The following RIN2 variants were observed in gnomAD, a reference collection of about 807,000 sequenced individuals.
RIN2 encodes the protein RAB5 interacting protein 2.
Under a neutral mutation model 78.0 loss-of-function variants are expected in RIN2, and 36 were observed. That is an observed-to-expected ratio of 0.46 (90% confidence interval 0.35 to 0.61). The LOEUF (loss-of-function observed/expected upper bound fraction) is 0.61, where lower values mean the gene tolerates loss of function less well. Among genes scored for constraint, RIN2 ranks in the 20% least tolerant of loss-of-function variants. RIN2 has a pLI of 0.00. For synonymous variants in RIN2, 466 were observed against 466.8 expected (o/e 1.00, Z 0.02); for missense variants, 1,087 against 1,159.7 (o/e 0.94, Z 0.91).
intron 3 of RIN2, among the ~76,000 whole-genome samples, chr20:19,921,639 G>T (rs1439149084): frequency 6.6e-6 from 1 of 152,200 alleles, no homozygotes; most frequent in Non-Finnish European, 1.5e-5. Context: ...AACCCACCGA[G>T]CGGCGCCAAG....
At chr20:19,814,596 T>C (rs2035707938) in intron 2 of RIN2, among the ~76,000 whole-genome samples, 1 of 152,136 alleles carries the variant, frequency 6.6e-6, no homozygotes, top group African/African-American at 2.4e-5. Context: ...TGGTCTATAG[T>C]AATTTTATAT....
intron 1 of RIN2, among the ~76,000 whole-genome samples, chr20:19,780,262 C>G (rs1477272174): frequency 6.6e-6 from 1 of 152,186 alleles, no homozygotes. Context: ...ATTAAAATAG[C>G]AAGGGAATAA....
At chr20:19,947,776 G>A (rs1376781954) in intron 4 of RIN2, among the ~76,000 whole-genome samples, 2 of 152,254 alleles carry the variant, frequency 1.3e-5, no homozygotes, top group Admixed American at 1.3e-4. Context: ...GGTGAGACTT[G>A]CAAGGAGAGA....
intron 10 of RIN2, among the ~76,000 whole-genome samples, chr20:19,990,677 C>T (rs974543934): frequency 6.6e-6 from 1 of 152,026 alleles, no homozygotes; most frequent in Non-Finnish European, 1.5e-5. Context: ...TAGTTTTCTG[C>T]GTCTTTAGCC....
intron 6 of RIN2, among the ~76,000 whole-genome samples, chr20:19,962,151 A>AG: frequency 6.6e-6 from 1 of 151,950 alleles, no homozygotes; most frequent in East Asian, 1.9e-4. Flanking sequence ...AAAAAAAAAA[A>AG]AAAATTAGCC....
chr20:19,973,027 G>A (rs1222152380), intron 8 of RIN2, among the ~76,000 whole-genome samples: 1 of 152,072 alleles, frequency 6.6e-6, no homozygotes, highest in Non-Finnish European at 1.5e-5. Context: ...GAAACCCAAT[G>A]AGTTATTTTA....
chr20:19,882,500 A>C (rs1376167469), intron 2 of RIN2, among the ~76,000 whole-genome samples: 2 of 152,210 alleles, frequency 1.3e-5, no homozygotes, highest in Non-Finnish European at 2.9e-5. Flanking sequence ...CTCTTTTACC[A>C]TCATGGACAG....
intron 10 of RIN2, among the ~76,000 whole-genome samples, chr20:19,991,405 T>C (rs373689495): frequency 5.9e-5 from 9 of 152,338 alleles, no homozygotes; most frequent in African/African-American, 1.9e-4. Context: ...ACACACACAC[T>C]AAAGACATTA....
chr20:19,955,456 C>T (rs1372459348), intron 4 of RIN2, among the ~76,000 whole-genome samples: 1 of 152,130 alleles, frequency 6.6e-6, no homozygotes, highest in Non-Finnish European at 1.5e-5. Flanking sequence ...CCCACCTCAG[C>T]CTCCTGAGTA....
chr20:19,980,524 C>T (rs1428790409), intron 9 of RIN2, among the ~76,000 whole-genome samples: 6 of 152,156 alleles, frequency 3.9e-5, no homozygotes, highest in Admixed American at 3.9e-4. Flanking sequence ...AAATAAGTCA[C>T]ACGAAGATGT....
chr20:19,896,552 T>C (rs1003592617), intron 3 of RIN2, among the ~76,000 whole-genome samples: 2 of 152,228 alleles, frequency 1.3e-5, no homozygotes, highest in Non-Finnish European at 2.9e-5. Flanking sequence ...ACCTGCCCAC[T>C]GTCCAGTGAG....
chr20:19,800,468 A>G (rs2035205471), intron 2 of RIN2, among the ~76,000 whole-genome samples: 2 of 152,308 alleles, frequency 1.3e-5, no homozygotes, highest in East Asian at 1.9e-4. Flanking sequence ...AGTGATGTCG[A>G]GTGACATCAA....
At chr20:19,776,624 C>A (rs1035306436) in intron 1 of RIN2, among the ~76,000 whole-genome samples, 16 of 151,488 alleles carry the variant, frequency 1.1e-4, no homozygotes, top group Non-Finnish European at 2.4e-4. Context: ...CCCAGCTACT[C>A]GGGAGGCTGA....
At chr20:19,941,029 T>C (rs2040850657) in intron 4 of RIN2, among the ~76,000 whole-genome samples, 1 of 152,210 alleles carries the variant, frequency 6.6e-6, no homozygotes, top group Non-Finnish European at 1.5e-5. Flanking sequence ...GCCACTTCGC[T>C]GGTGTCCTCT....
chr20:19,858,373 CTG>C (rs2037230191), intron 2 of RIN2, among the ~76,000 whole-genome samples: 2 of 152,188 alleles, frequency 1.3e-5, no homozygotes, highest in Admixed American at 1.3e-4. Flanking sequence ...AGGCCCAACA[CTG>C]TCTGATTTTT....
chr20:19,962,585 T>C (rs995112216), intron 6 of RIN2, among the ~76,000 whole-genome samples: 5 of 152,226 alleles, frequency 3.3e-5, no homozygotes, highest in African/African-American at 1.2e-4. Flanking sequence ...CTTGTTTAAA[T>C]AAAGCATTAG....
At chr20:19,889,022 G>A in intron 2 of RIN2, 2 of 588,392 alleles carry the variant, frequency 3.4e-6, no homozygotes, top group South Asian at 7.4e-5. Context: ...CCTGTAAACA[G>A]TGACAGGATT....
At chr20:19,951,954 G>C (rs772095803) in intron 4 of RIN2, among the ~76,000 whole-genome samples, 10 of 152,178 alleles carry the variant, frequency 6.6e-5, no homozygotes, top group Non-Finnish European at 1.0e-4. Flanking sequence ...TAGTTTCTAT[G>C]AATCTCATCA....
At chr20:19,763,755 T>C (rs1031025626) in intron 1 of RIN2, among the ~76,000 whole-genome samples, 1 of 152,224 alleles carries the variant, frequency 6.6e-6, no homozygotes, top group African/African-American at 2.4e-5. Flanking sequence ...CGTTGAATGA[T>C]GCTCCATGAT....
Sources: allele counts gnomAD v4.1 joint callset (sites outside exome capture counted in the v4.1 genomes callset), GRCh38; gene constraint gnomAD v4.1.1; transcripts MANE v1.5; gene names NCBI Gene and HGNC (gene_info 2026-07-23, HGNC 2026-07-21).